The following STX8 variants were observed in gnomAD, a reference collection of about 807,000 sequenced individuals.
STX8 encodes the protein syntaxin 8, also known as syntaxin-8.
In STX8, 23 loss-of-function variants were observed where a neutral mutation model predicts 37.5. That is an observed-to-expected ratio of 0.61 (90% CI 0.44 to 0.87). STX8 has a LOEUF of 0.87. Among genes scored for constraint, STX8 ranks in the 40% least tolerant of loss-of-function variants. The pLI, the probability that STX8 is intolerant of heterozygous loss-of-function variation, is 0.00. For missense variants in STX8, 313 were observed against 284.7 expected (o/e 1.10, Z -0.71); for synonymous variants, 115 against 99.1 (o/e 1.16, Z -0.95).
rs537280386 is a variant in STX8 at position 9,339,456 on chromosome 17, C to T, written c.643+39096G>A. On this transcript the variant is annotated intron_variant, in intron 7 of 7. Coordinates refer to ENST00000306357, the MANE Select transcript of STX8 (RefSeq NM_004853.3). ...GATCACGAGGTCAGGAGATCGAGAA[C>T]GTCCTGGCTAATACGGTGAAACCCT... Among the ~76,000 whole-genome samples, 15 of 152,218 alleles carry T rather than the reference C, an allele frequency of 9.9e-5. No homozygotes were observed. The East Asian group carries it at 1.4e-3, about 14-fold the overall frequency.
intron 7 of STX8, among the ~76,000 whole-genome samples, chr17:9,304,532 AAAAAG>A (rs1202171666): frequency 1.8e-3 from 265 of 150,004 alleles, no homozygotes; most frequent in African/African-American, 6.3e-3. Flanking sequence ...AAAAAAAAGA[AAAAAG>A]AAAGAAAAAA....
chr17:9,383,376 T>C (rs1018096686), intron 6 of STX8, among the ~76,000 whole-genome samples: 3 of 152,228 alleles, frequency 2.0e-5, no homozygotes, highest in Non-Finnish European at 4.4e-5. Flanking sequence ...GCTAATAGTA[T>C]GATCATCTCA....
At chr17:9,299,710 G>A (rs1385623109) in intron 7 of STX8, among the ~76,000 whole-genome samples, 1 of 152,100 alleles carries the variant, frequency 6.6e-6, no homozygotes, top group African/African-American at 2.4e-5. Context: ...CCAAAGTGCA[G>A]GGATTACAGG....
intron 5 of STX8, among the ~76,000 whole-genome samples, chr17:9,498,190 G>C (rs1483627323): frequency 2.6e-5 from 4 of 152,066 alleles, no homozygotes; most frequent in Non-Finnish European, 5.9e-5. Context: ...AGGAGTTCGA[G>C]ACCAGCCTGG....
At chr17:9,391,256 C>A (rs1912209198) in intron 6 of STX8, among the ~76,000 whole-genome samples, 1 of 149,932 alleles carries the variant, frequency 6.7e-6, no homozygotes, top group African/African-American at 2.5e-5. Flanking sequence ...GAGTTCGAGA[C>A]CAGCCCGGCC....
intron 6 of STX8, among the ~76,000 whole-genome samples, chr17:9,488,049 G>A (rs1906681099): frequency 6.6e-6 from 1 of 152,174 alleles, no homozygotes; most frequent in Non-Finnish European, 1.5e-5. Context: ...GTGGTAGGCT[G>A]GGTGCAGTGG....
At chr17:9,405,252 A>T (rs1912762905) in intron 6 of STX8, among the ~76,000 whole-genome samples, 1 of 152,186 alleles carries the variant, frequency 6.6e-6, no homozygotes, top group African/African-American at 2.4e-5. Context: ...TGAGACTTAA[A>T]GGTCCTTGTG....
intron 7 of STX8, among the ~76,000 whole-genome samples, chr17:9,277,311 T>A (rs1330071515): frequency 1.3e-5 from 2 of 151,718 alleles, no homozygotes; most frequent in Non-Finnish European, 2.9e-5. Flanking sequence ...GAGCACGGGG[T>A]GTGGATGGAG....
chr17:9,269,660 G>A (rs777069721), intron 7 of STX8, among the ~76,000 whole-genome samples: 2 of 152,232 alleles, frequency 1.3e-5, no homozygotes, highest in Non-Finnish European at 2.9e-5. Flanking sequence ...AACATGGTCT[G>A]TCAGAGATTT....
intron 6 of STX8, among the ~76,000 whole-genome samples, chr17:9,431,462 G>GT (rs960250523): frequency 1.6e-5 from 2 of 126,728 alleles, no homozygotes; most frequent in East Asian, 2.4e-4. Context: ...TGTTTTTTTT[G>GT]TTTTTTTGTT....
intron 5 of STX8, among the ~76,000 whole-genome samples, chr17:9,501,758 G>C (rs1904621657): frequency 6.6e-6 from 1 of 151,958 alleles, no homozygotes; most frequent in African/African-American, 2.4e-5. Context: ...CGGATCACGA[G>C]GTCAGGAGAT....
chr17:9,540,731 T>A (rs934346137), intron 4 of STX8: 1 of 152,190 alleles, frequency 6.6e-6, no homozygotes, highest in African/African-American at 2.4e-5. Flanking sequence ...CTTACATTAT[T>A]TTTAAACAGA....
rs1019302861 is a variant in STX8, at chr17:9,384,077, G to A, written c.542-5424C>T. Among the ~76,000 whole-genome samples the A allele has an allele frequency of 9.9e-5, 15 of 151,264 alleles. 1 individual carries two copies. In the East Asian group the frequency reaches 1.2e-3, roughly 12 times the overall value. ...GTACTAGTTCACATTCCCACCTACA[G>A]TATAAAAGAGTTCCTTTTTTTCTCC... is the stretch of plus-strand genomic sequence containing the variant. On this transcript the variant is annotated intron_variant, in intron 6 of 7. Transcript: ENST00000306357.
chr17:9,272,535 G>A (rs544415078), intron 7 of STX8, among the ~76,000 whole-genome samples: 18 of 152,298 alleles, frequency 1.2e-4, no homozygotes, highest in African/African-American at 3.8e-4. Flanking sequence ...TCACAAGGGG[G>A]TGCCTTCTCA....
intron 6 of STX8, among the ~76,000 whole-genome samples, chr17:9,400,693 C>T (rs1912581812): frequency 6.6e-6 from 1 of 152,140 alleles, no homozygotes; most frequent in South Asian, 2.1e-4. Context: ...GCGTGAGCCA[C>T]CCGCGCCCGG....
intron 4 of STX8, among the ~76,000 whole-genome samples, chr17:9,527,314 T>C (rs932684378): frequency 6.0e-5 from 9 of 150,884 alleles, no homozygotes; most frequent in African/African-American, 2.0e-4. Flanking sequence ...CATGGTGGCA[T>C]GTGCCTGTGG....
At chr17:9,276,628 G>A (rs1336555775) in intron 7 of STX8, among the ~76,000 whole-genome samples, 2 of 141,834 alleles carry the variant, frequency 1.4e-5, no homozygotes, top group African/African-American at 5.1e-5. Context: ...TTATTTGTTT[G>A]TTTTTTTTTT....
At chr17:9,421,098 T>C (rs1052011455) in intron 6 of STX8, among the ~76,000 whole-genome samples, 2 of 152,190 alleles carry the variant, frequency 1.3e-5, no homozygotes, top group African/African-American at 2.4e-5. Flanking sequence ...TGCATTACTA[T>C]AGAATTTTTT....
At chr17:9,373,648 T>TA (rs986750683) in intron 7 of STX8, among the ~76,000 whole-genome samples, 26 of 152,002 alleles carry the variant, frequency 1.7e-4, no homozygotes, top group Non-Finnish European at 2.9e-4. Flanking sequence ...TTTGGGATGT[T>TA]AAAAAAAGTG....
Sources: gnomAD v4.1 joint callset for allele counts (sites outside exome capture counted in the v4.1 genomes callset) on GRCh38, gnomAD v4.1.1 for gene constraint, MANE v1.5 for transcripts, NCBI Gene and HGNC (gene_info 2026-07-23, HGNC 2026-07-21) for gene names.